Variants in ATP8A1 observed in about 807,000 individuals in gnomAD.
ATP8A1 encodes the protein ATPase phospholipid transporting 8A1.
Under a neutral mutation model 177.7 loss-of-function variants are expected in ATP8A1, and 90 were observed. That is an observed-to-expected ratio of 0.51 (90% CI 0.43 to 0.60). The LOEUF (loss-of-function observed/expected upper bound fraction) is 0.60. Among genes scored for constraint, ATP8A1 ranks in the 20% least tolerant of loss-of-function variants. The pLI is 0.00. For missense variants in ATP8A1, 1,072 were observed against 1,392.8 expected, an observed-to-expected ratio of 0.77 and a Z score of 3.67; for synonymous variants, 493 against 485.9, an observed-to-expected ratio of 1.01 and a Z score of -0.19.
In ATP8A1 at chr4:42,522,202, G is replaced by A. The variant is rs956862653; in HGVS notation, c.1905C>T (p.Asn635=). ...AACTCTCTTCGAGTTTGAGTAGCCT[G>A]TTCTGCACAGATGTAGATGCTCGCT... ...VYQRASTSVQ[N]RLLKLEESYE... Residue 635 remains asparagine (N), a synonymous_variant, in exon 22 of 37, where the codon AAC becomes AAT. Coordinates refer to ENST00000381668, the MANE Select transcript of ATP8A1 (RefSeq NM_006095.2). The A allele has an allele frequency of 6.2e-7, 1 of 1,613,476 alleles. No individual in the cohort carries two copies. The highest frequency in any genetic ancestry group is 1.3e-5 in the African/African-American group (1 of 74,926).
intron 20 of ATP8A1, among the ~76,000 whole-genome samples, chr4:42,532,350 AT>A: frequency 6.6e-6 from 1 of 151,908 alleles, no homozygotes; most frequent in South Asian, 2.1e-4. Flanking sequence ...ACTGGGCATG[AT>A]GGCGGGTGAC....
intron 24 of ATP8A1, among the ~76,000 whole-genome samples, chr4:42,501,260 T>C (rs1235167987): frequency 6.6e-6 from 1 of 152,224 alleles, no homozygotes; most frequent in Non-Finnish European, 1.5e-5. Context: ...GCTACTGAAA[T>C]AATATTCTCT....
intron 1 of ATP8A1, among the ~76,000 whole-genome samples, chr4:42,641,302 G>A (rs528256291): frequency 2.0e-5 from 3 of 152,252 alleles, no homozygotes; most frequent in South Asian, 2.1e-4. Flanking sequence ...GAGCATAAAT[G>A]TTTTTACTGC....
chr4:42,574,061 G>A (rs976881003), intron 14 of ATP8A1, among the ~76,000 whole-genome samples: 3 of 152,240 alleles, frequency 2.0e-5, no homozygotes, highest in Non-Finnish European at 4.4e-5. Flanking sequence ...AATTAAATGG[G>A]TGCTCAACAA....
In ATP8A1 at chr4:42,478,468, A is replaced by G. The variant is rs1721310890; in HGVS notation, c.2324+7028T>C. ...TTCACAGAATCACATATATACAACT[A>G]AAGTACAGCAAATGGATGGGAACAT... is the stretch of plus-strand genomic sequence containing the variant. On this transcript the variant is annotated intron_variant, in intron 25 of 36. Transcript: ENST00000381668. Among the ~76,000 whole-genome samples, 4 of 152,322 alleles carry G rather than the reference A, an allele frequency of 2.6e-5. No individual in the cohort carries two copies. The East Asian group carries it at 7.7e-4, about 29-fold the overall frequency.
chr4:42,529,363 G>C (rs1222593926), intron 20 of ATP8A1, among the ~76,000 whole-genome samples: 1 of 152,164 alleles, frequency 6.6e-6, no homozygotes, highest in Non-Finnish European at 1.5e-5. Context: ...ACTGGGCTTT[G>C]GTGGAAACTG....
At chr4:42,616,226 G>T in intron 4 of ATP8A1, 148 bp from the exon 5 acceptor site, 1 of 665,696 alleles carries the variant, frequency 1.5e-6, no homozygotes. Flanking sequence ...ATACATTGAT[G>T]GAGGAGTGGT....
At chr4:42,586,569 C>T (rs1733635862) in intron 8 of ATP8A1, 93 bp from the exon 9 acceptor site, 4 of 1,191,538 alleles carry the variant, frequency 3.4e-6, no homozygotes, top group South Asian at 3.0e-5. Context: ...GTCTTAAGAT[C>T]TAAAAGATCC....
chr4:42,440,638 T>C (rs114084181), intron 33 of ATP8A1, among the ~76,000 whole-genome samples: 3 of 152,012 alleles, frequency 2.0e-5, no homozygotes, highest in Non-Finnish European at 4.4e-5. Flanking sequence ...TGAAAAAAAA[T>C]ATATATATAG....
At chr4:42,438,119 T>A (rs1716203362) in intron 33 of ATP8A1, among the ~76,000 whole-genome samples, 1 of 151,928 alleles carries the variant, frequency 6.6e-6, no homozygotes, top group South Asian at 2.1e-4. Flanking sequence ...AAAGAAAAGA[T>A]GAGAGAAGAA....
At chr4:42,506,075 A>G (rs530853693) in intron 23 of ATP8A1, among the ~76,000 whole-genome samples, 15 of 152,254 alleles carry the variant, frequency 9.9e-5, no homozygotes, top group African/African-American at 3.6e-4. Flanking sequence ...CGCCAGTGAC[A>G]CTACATTTGG....
chr4:42,450,625 T>C (rs1246609263), intron 30 of ATP8A1, among the ~76,000 whole-genome samples: 1 of 152,220 alleles, frequency 6.6e-6, no homozygotes, highest in African/African-American at 2.4e-5. Flanking sequence ...TTTACTGTTG[T>C]AATTTACTGA....
intron 22 of ATP8A1, among the ~76,000 whole-genome samples, chr4:42,519,914 C>CAT (rs1399643185): frequency 3.3e-5 from 5 of 152,124 alleles, no homozygotes; most frequent in Non-Finnish European, 7.4e-5. Context: ...CATATAGACA[C>CAT]ATATATAGAT....
intron 35 of ATP8A1, among the ~76,000 whole-genome samples, chr4:42,421,014 C>T (rs550947358): frequency 3.3e-5 from 5 of 152,094 alleles, no homozygotes; most frequent in South Asian, 2.1e-4. Flanking sequence ...GTGATCTGCC[C>T]GCCTCGGCCT....
intron 14 of ATP8A1, among the ~76,000 whole-genome samples, chr4:42,573,434 G>C (rs1377714809): frequency 1.3e-5 from 2 of 152,162 alleles, no homozygotes; most frequent in East Asian, 3.8e-4. Flanking sequence ...GTTGGGAGGA[G>C]GGTGGAGGAG....
rs146629097 is a variant in ATP8A1 at position 42,551,251 on chromosome 4, G to T, written c.1549C>A (p.Gln517Lys). The T allele has an allele frequency of 3.1e-6, 5 of 1,613,488 alleles. No homozygotes were observed. The African/African-American group carries it at 6.7e-5, about 22-fold the overall frequency. ...DEGALVRAAKQLNFVFTGRTP... is the reference protein window; with the variant it reads ...DEGALVRAAKKLNFVFTGRTP... Reference sequence around the variant, plus strand: ...CTTCCAGTGAAAACAAAATTCAATTGCTTGGCTGCTCTGACCAATGCTCCC... The same window carrying T: ...CTTCCAGTGAAAACAAAATTCAATTTCTTGGCTGCTCTGACCAATGCTCCC... The change falls in exon 18 of 37, where the codon CAA becomes AAA. Residue 517 changes from glutamine (Q) to lysine (K), a missense_variant. This residue lies in a region of ATP8A1 where 388 missense variants were observed against 471.7 expected (regional missense o/e 0.82). Transcript: ENST00000381668.
intron 5 of ATP8A1, among the ~76,000 whole-genome samples, chr4:42,608,157 C>T (rs565268481): frequency 1.6e-4 from 24 of 152,206 alleles, no homozygotes; most frequent in African/African-American, 5.8e-4. Context: ...AGAGAACATT[C>T]GGGATTCCTC....
intron 1 of ATP8A1, among the ~76,000 whole-genome samples, chr4:42,629,820 A>G (rs1738536731): frequency 1.3e-5 from 2 of 152,236 alleles, no homozygotes; most frequent in African/African-American, 4.8e-5. Context: ...GTTTGTAACC[A>G]TTATAATTAA....
chr4:42,613,128 T>C (rs1577702118), intron 5 of ATP8A1, among the ~76,000 whole-genome samples: 1 of 152,338 alleles, frequency 6.6e-6, no homozygotes. Flanking sequence ...GCTTTCATGT[T>C]AAGCAATCTG....
Sources: gnomAD v4.1 joint callset for allele counts (sites outside exome capture counted in the v4.1 genomes callset) on GRCh38, gnomAD v4.1.1 for gene constraint, gnomAD v4.1.1 regional missense constraint, MANE v1.5 for transcripts, NCBI Gene and HGNC (gene_info 2026-07-23, HGNC 2026-07-21) for gene names.